Variants in LGMN observed in about 807,000 individuals in gnomAD.
LGMN encodes legumain, also known as asparaginyl endopeptidase.
LGMN carries 36 observed loss-of-function variants against 56.8 expected under a neutral mutation model. The ratio of observed to expected loss-of-function variants is 0.63; its 90% CI spans 0.49 to 0.84. The LOEUF (loss-of-function observed/expected upper bound fraction) is 0.84. Among genes scored for constraint, LGMN ranks in the 40% least tolerant of loss-of-function variants. LGMN has a pLI of 0.00. For synonymous variants in LGMN, 199 were observed against 210.1 expected (o/e 0.95, Z 0.46); for missense variants, 446 against 556.1 (o/e 0.80, Z 1.99).
chr14:92,746,142 G>C (rs187179880), intron 1 of LGMN, among the ~76,000 whole-genome samples: 1 of 152,136 alleles, frequency 6.6e-6, no homozygotes, highest in East Asian at 1.9e-4. Flanking sequence ...TTCTTCAAAC[G>C]CTTATCATCT....
chr14:92,714,536 TAAG>T lies in LGMN; in HGVS notation c.405-88_405-86del. On this transcript the variant is annotated intron_variant, in intron 5 of 13. Coordinates refer to ENST00000334869, the MANE Select transcript of LGMN (RefSeq NM_005606.7). This position sits in a 1 kb window ranked among gnomAD's most constrained non-coding sequence, Gnocchi z 5.1. ...TGAAAAGCTGCCCTAATCAAAAAAT[TAAG>T]AAGTTTGGGGAGTAGAGTTGCCCAA... is the stretch of plus-strand genomic sequence containing the variant. The T allele has an allele frequency of 9.4e-7, 1 of 1,061,954 alleles. No individual in the cohort carries two copies. Among genetic ancestry groups the T allele is most frequent in the Non-Finnish European group, 1.4e-6 (1 of 711,850 alleles). The allele number at this position is 1,061,954 out of a possible 1,614,324, so 65.8% of individuals were successfully genotyped here. A position where few individuals can be genotyped will look rare whatever the true frequency, so the allele number is the denominator to read the frequency against.
chr14:92,742,299 TTTTTTTC>T (rs201832238), intron 1 of LGMN, among the ~76,000 whole-genome samples: 9 of 102,886 alleles, frequency 8.7e-5, no homozygotes, highest in African/African-American at 1.5e-4. Flanking sequence ...TTGCTTTTTT[TTTTTTTC>T]TTTTTTTTTG....
At chr14:92,707,466 G>A (rs2140203239) in intron 11 of LGMN, among the ~76,000 whole-genome samples, 1 of 152,266 alleles carries the variant, frequency 6.6e-6, no homozygotes, top group East Asian at 1.9e-4. Context: ...TACAAGGCTG[G>A]ATTTTCTTCT....
intron 12 of LGMN, among the ~76,000 whole-genome samples, chr14:92,705,394 C>T (rs1471138298): frequency 3.3e-5 from 5 of 151,834 alleles, no homozygotes; most frequent in Admixed American, 1.3e-4. Flanking sequence ...CCCAGCTACT[C>T]GGGAGGCTGA....
At chr14:92,737,388 A>G (rs754378120) in intron 1 of LGMN, among the ~76,000 whole-genome samples, 1 of 152,164 alleles carries the variant, frequency 6.6e-6, no homozygotes, top group South Asian at 2.1e-4. Context: ...AGCATGCCCA[A>G]TACAGAACTC....
chr14:92,704,918 G>C (rs769339996), intron 12 of LGMN: 56 of 515,384 alleles, frequency 1.1e-4, no homozygotes, highest in African/African-American at 8.9e-4. Context: ...ATGCAAGTTG[G>C]GGGGCTGGCG....
chr14:92,731,088 T>C (rs1566932072), intron 2 of LGMN, among the ~76,000 whole-genome samples: 1 of 152,194 alleles, frequency 6.6e-6, no homozygotes, highest in Non-Finnish European at 1.5e-5. Flanking sequence ...CTGTACCGCT[T>C]TGGGCAAACT....
intron 10 of LGMN, 80 bp from the exon 11 acceptor site, chr14:92,709,952 G>C (rs1299803561): frequency 2.5e-6 from 3 of 1,184,892 alleles, no homozygotes; most frequent in South Asian, 1.5e-5. Flanking sequence ...GGGAGAGAGA[G>C]AGCTGGTTTG....
rs1595532999 is a variant in LGMN at position 92,713,811 on chromosome 14, G to A, written c.543+12C>T. On this transcript the variant is annotated intron_variant, in intron 7 of 13. Coordinates refer to ENST00000334869, the MANE Select transcript of LGMN (RefSeq NM_005606.7). The stretch of plus-strand genomic sequence containing the variant: ...CCCCGCCCCCACAAGGCTGCCCCAA[G>A]GGCTGAATTACCTTTCGGTACATTT... The A allele has an allele frequency of 1.2e-6, 2 of 1,605,740 alleles. No individual in the cohort carries two copies. Among genetic ancestry groups the A allele is most frequent in the Non-Finnish European group, 1.7e-6 (2 of 1,172,446 alleles).
intron 2 of LGMN, among the ~76,000 whole-genome samples, chr14:92,728,221 T>C (rs1890840881): frequency 6.6e-6 from 1 of 152,240 alleles, no homozygotes; most frequent in South Asian, 2.1e-4. Context: ...GGTTTCGGGA[T>C]GAAACTGTTC....
chr14:92,733,190 C>G (rs943606304), intron 1 of LGMN, among the ~76,000 whole-genome samples: 7 of 151,296 alleles, frequency 4.6e-5, no homozygotes, highest in Admixed American at 2.6e-4. Context: ...TTGTCAGCCC[C>G]TAAGAAAATA....
rs1889799020 is a variant in LGMN at position 92,711,876 on chromosome 14, C to G, written c.690G>C (p.Gly230=). 6.2e-7 allele frequency: 1 copy of G among 1,613,932 alleles called. No homozygotes were observed. ...YYDEKRSTYL[G]DWYSVNWMED... is the part of the protein sequence containing the mutation. ...CCATCCAGTTGACGCTGTACCAGTC[C>G]CCCAGGTACGTGGACCTCTTCTCAT... is the stretch of plus-strand genomic sequence containing the variant. The change falls in exon 9 of 14, where the codon GGG becomes GGC. Residue 230 remains glycine (G), a synonymous_variant. Coordinates refer to ENST00000334869, the MANE Select transcript of LGMN (RefSeq NM_005606.7).
At chr14:92,743,305 T>A (rs565083586) in intron 1 of LGMN, among the ~76,000 whole-genome samples, 16 of 151,740 alleles carry the variant, frequency 1.1e-4, no homozygotes, top group Non-Finnish European at 2.1e-4. Context: ...ATCGAGACCA[T>A]CCTGACTAAC....
At chr14:92,704,841 C>T (rs1889346190) in intron 12 of LGMN, 134 bp from the exon 13 acceptor site, 3 of 713,680 alleles carry the variant, frequency 4.2e-6, no homozygotes, top group Admixed American at 3.9e-5. Flanking sequence ...CCTTTCCCAA[C>T]CTTTAGATAA....
intron 2 of LGMN, among the ~76,000 whole-genome samples, chr14:92,719,260 GCCACCGCCGCCGCCGCCA>G (rs1890285280): frequency 8.0e-5 from 1 of 12,542 alleles, no homozygotes; most frequent in Non-Finnish European, 1.6e-4. Context: ...CACCACCACC[GCCACCGCCGCCGCCGCCA>G]CCGCCGCCGC....
In LGMN at chr14:92,735,736, C is replaced by A. The variant is rs553267269; in HGVS notation, c.-29-2921G>T. On this transcript the variant is annotated intron_variant, in intron 1 of 13. Transcript: ENST00000334869. The stretch of plus-strand genomic sequence containing the variant: ...TGCTAAATGTAGGTTTCTTTAGCTC[C>A]ACTGCAAGGTCAATGGACGGGCAAC... Among the ~76,000 whole-genome samples, 23 of 152,242 alleles carry A rather than the reference C, an allele frequency of 1.5e-4. 1 individual carries two copies. The South Asian group carries it at 4.6e-3, about 30-fold the overall frequency.
At chr14:92,736,581 GCGAGACC>G (rs1189254634) in intron 1 of LGMN, among the ~76,000 whole-genome samples, 2 of 152,178 alleles carry the variant, frequency 1.3e-5, no homozygotes, top group Admixed American at 6.5e-5. Context: ...GGGTGACAGA[GCGAGACC>G]CTGTCTTAAA....
chr14:92,747,035 CA>C (rs35615315), intron 1 of LGMN, among the ~76,000 whole-genome samples: 2,178 of 78,946 alleles, frequency 0.028, 38 homozygotes, highest in Admixed American at 0.11. Context: ...GACTCCGTCT[CA>C]AAAAAAAAAA....
chr14:92,719,321 C>A (rs1890318724), intron 2 of LGMN, among the ~76,000 whole-genome samples: 2 of 127,848 alleles, frequency 1.6e-5, no homozygotes, highest in Non-Finnish European at 3.4e-5. Flanking sequence ...ACCGCCGCCG[C>A]CGCCACCGCC....
Sources: allele counts gnomAD v4.1 joint callset (sites outside exome capture counted in the v4.1 genomes callset), GRCh38; gene constraint gnomAD v4.1.1; non-coding constraint Gnocchi (gnomAD v3.1); transcripts MANE v1.5; gene names NCBI Gene and HGNC (gene_info 2026-07-23, HGNC 2026-07-21).